The following ZNF746 variants were observed in gnomAD, a reference collection of about 807,000 sequenced individuals.
The protein encoded by ZNF746 is zinc finger protein 746, also known as parkin-interacting substrate.
Under a neutral mutation model 41.0 loss-of-function variants are expected in ZNF746, and 13 were observed. The observed-to-expected ratio is 0.32, with a 90% CI of 0.21 to 0.50. The LOEUF (loss-of-function observed/expected upper bound fraction) is 0.50. Ranked by LOEUF, ZNF746 falls within the 20% of genes least tolerant of loss-of-function variation. ZNF746 has a pLI of 0.98. For synonymous variants in ZNF746, 424 were observed against 396.2 expected, an observed-to-expected ratio of 1.07 and a Z score of -0.83; for missense variants, 811 against 922.9, an observed-to-expected ratio of 0.88 and a Z score of 1.57.
Position 149,494,659 on chromosome 7 carries a change from C to CT in ZNF746, c.25-157_25-156insA. Among the ~76,000 whole-genome samples, 1 of 151,680 alleles carries CT rather than the reference C, an allele frequency of 6.6e-6. No homozygotes were observed. On this transcript the variant is annotated intron_variant, in intron 1 of 6. Coordinates refer to ENST00000458143, the MANE Select transcript of ZNF746 (RefSeq NM_001394198.1). This position sits in a 1 kb window ranked among gnomAD's most constrained non-coding sequence, Gnocchi z 5.6. ...ACATGCCAGATCTCAGGTTGGCCATCACCTGCTTGGGTATGTTAGGTCTAT... is the reference window on the plus strand; with the variant it reads ...ACATGCCAGATCTCAGGTTGGCCATCTACCTGCTTGGGTATGTTAGGTCTAT...
At position 149,497,544 on chromosome 7, in the gene ZNF746, CG is replaced by C; in HGVS notation, c.-9del. The C allele has an allele frequency of 1.9e-6, 2 of 1,079,352 alleles. No individual in the cohort carries two copies. The highest frequency in any genetic ancestry group is 2.2e-6 in the Non-Finnish European group (2 of 893,724). 66.9% of individuals were successfully genotyped at this position (1,079,352 alleles called of 1,614,324 possible). A position where few individuals can be genotyped will look rare whatever the true frequency, so the allele number is the denominator to read the frequency against. On this transcript the variant is annotated 5_prime_UTR_variant, in exon 1 of 7. Coordinates refer to ENST00000458143, the MANE Select transcript of ZNF746 (RefSeq NM_001394198.1). The surrounding 1 kb of genome is among the most constrained non-coding windows in gnomAD (Gnocchi z 4.2). Reference sequence around the variant, plus strand: ...CGCGACCGCCTCGGCCATGGCCCTGCGCTGTCCCGCCCGGCCCGGAGGAAGT... The same window carrying C: ...CGCGACCGCCTCGGCCATGGCCCTGCCTGTCCCGCCCGGCCCGGAGGAAGT...
In ZNF746 at chr7:149,475,050, T is replaced by G. The variant is rs1301794662; in HGVS notation, c.1317A>C (p.Glu439Asp). Residue 439 changes from glutamate to aspartate, a missense_variant, in exon 7 of 7, where the codon GAA (glutamate) becomes GAC (aspartate). By Grantham distance (45) the Glu-to-Asp change is conservative (BLOSUM62 2). Transcript: ENST00000458143. Reference sequence around the variant, plus strand: ...TGGTCCGGCCAGGGTATTTACAGGGTTCGTTGAATGGCCTTGGGGCCTGGC... The same window carrying G: ...TGGTCCGGCCAGGGTATTTACAGGGGTCGTTGAATGGCCTTGGGGCCTGGC... ...DPSQAPRPFNEPCKYPGRTKG... is the reference protein window; with the variant it reads ...DPSQAPRPFNDPCKYPGRTKG... 3 of 1,576,070 alleles carry G rather than the reference T, an allele frequency of 1.9e-6. No individual in the cohort carries two copies. Among genetic ancestry groups the G allele is most frequent in the East Asian group, 2.3e-5 (1 of 43,706 alleles).
chr7:149,495,270 C>A (rs1200799276), intron 1 of ZNF746, among the ~76,000 whole-genome samples: 1 of 152,158 alleles, frequency 6.6e-6, no homozygotes, highest in Non-Finnish European at 1.5e-5. Context: ...CCAATTCCCA[C>A]CCCCTCAAGG....
At chr7:149,496,447 A>G (rs1480645550) in intron 1 of ZNF746, among the ~76,000 whole-genome samples, 1 of 152,036 alleles carries the variant, frequency 6.6e-6, no homozygotes, top group Non-Finnish European at 1.5e-5. Context: ...TCCCTCATCC[A>G]CTGCCCACCC....
At position 149,494,437 on chromosome 7, in the gene ZNF746, G is replaced by A; in HGVS notation, c.91C>T (p.Arg31Cys). The change falls in exon 2 of 7, where the codon CGC (arginine) becomes TGC (cysteine). Residue 31 changes from arginine (R) to cysteine (C), a missense_variant. This residue lies in a region of ZNF746 where 147 missense variants were observed against 233.4 expected (regional missense o/e 0.63). Coordinates refer to ENST00000458143, the MANE Select transcript of ZNF746 (RefSeq NM_001394198.1). This position sits in a 1 kb window ranked among gnomAD's most constrained non-coding sequence, Gnocchi z 5.6. ...MERKIESQAA[R>C]LLSLEGRTGM... Reference sequence around the variant, plus strand: ...GTTCGACCTTCTAGGGAAAGCAGGCGAGCAGCCTGCGATTCAATCTTCCTC... The same window carrying A: ...GTTCGACCTTCTAGGGAAAGCAGGCAAGCAGCCTGCGATTCAATCTTCCTC... The A allele has an allele frequency of 1.2e-6, 2 of 1,613,964 alleles. No homozygotes were observed. The highest frequency in any genetic ancestry group is 8.5e-7 in the Non-Finnish European group (1 of 1,179,874).
Position 149,494,159 on chromosome 7 carries a change from G to A in ZNF746, c.325-44C>T. ...CACTCGCTCACCCACACGCTCACGG[G>A]TTTGGCCGCTTGGGCTCCCACACCC... is the stretch of plus-strand genomic sequence containing the variant. On this transcript the variant is annotated intron_variant, in intron 2 of 6. Coordinates refer to ENST00000458143, the MANE Select transcript of ZNF746 (RefSeq NM_001394198.1). The surrounding 1 kb of genome is among the most constrained non-coding windows in gnomAD (Gnocchi z 5.6). The A allele has an allele frequency of 6.2e-7, 1 of 1,613,826 alleles. No homozygotes were observed. The highest frequency in any genetic ancestry group is 8.5e-7 in the Non-Finnish European group (1 of 1,179,728).
At chr7:149,482,297 G>A (rs1345556406) in intron 4 of ZNF746, among the ~76,000 whole-genome samples, 5 of 152,118 alleles carry the variant, frequency 3.3e-5, no homozygotes, top group Non-Finnish European at 5.9e-5. Context: ...ACAGAAGGAC[G>A]CAGAAAGCAA....
Position 149,474,498 on chromosome 7 carries a change from A to C in ZNF746, c.1869T>G (p.Pro623=). The change falls in exon 7 of 7, where the codon CCT becomes CCG. Residue 623 remains proline, a synonymous_variant. Coordinates refer to ENST00000458143, the MANE Select transcript of ZNF746 (RefSeq NM_001394198.1). This position sits in a 1 kb window ranked among gnomAD's most constrained non-coding sequence, Gnocchi z 6.3. ...RGQPLPTPPA[P]PDPFKSPASK... ...AGGCGGGGCTCTTGAAGGGATCAGG[A>C]GGTGCGGGCGGCGTCGGGAGTGGCT... The C allele has an allele frequency of 6.2e-7, 1 of 1,610,410 alleles. No individual in the cohort carries two copies. The highest frequency in any genetic ancestry group is 8.5e-7 in the Non-Finnish European group (1 of 1,178,396).
At chr7:149,475,533 G>T in intron 6 of ZNF746, 50 bp from the exon 7 acceptor site, 2 of 1,551,548 alleles carry the variant, frequency 1.3e-6, no homozygotes. Flanking sequence ...ACTGCTGAGC[G>T]AGCCACGATC....
At position 149,472,846 on chromosome 7, in the gene ZNF746, A is replaced by AT. The variant is rs1201628717; in HGVS notation, c.*1537dup. Reference sequence around the variant, plus strand: ...AGGATGTTTTCTCTTATTTTTCAAAATATCAGTTATATCAATATTAGAAGT... The same window carrying AT: ...AGGATGTTTTCTCTTATTTTTCAAAATTATCAGTTATATCAATATTAGAAGT... On this transcript the variant is annotated 3_prime_UTR_variant, in exon 7 of 7. Coordinates refer to ENST00000458143, the MANE Select transcript of ZNF746 (RefSeq NM_001394198.1). 1.3e-5 allele frequency: 2 copies of AT among 152,638 alleles called. No individual in the cohort carries two copies. Among genetic ancestry groups the AT allele is most frequent in the African/African-American group, 4.8e-5 (2 of 41,456 alleles). 9.5% of individuals were successfully genotyped at this position (152,638 alleles called of 1,614,324 possible). A position where few individuals can be genotyped will look rare whatever the true frequency, so the allele number is the denominator to read the frequency against.
intron 4 of ZNF746, among the ~76,000 whole-genome samples, chr7:149,478,866 C>T (rs1800401625): frequency 6.6e-6 from 1 of 152,154 alleles, no homozygotes; most frequent in Non-Finnish European, 1.5e-5. Flanking sequence ...ACAGAGGCAG[C>T]TGTGGAAATG....
chr7:149,474,296 G>A lies in ZNF746; in HGVS notation c.*88C>T, dbSNP rs1585715959. 1 of 1,467,012 alleles carries A rather than the reference G, an allele frequency of 6.8e-7. No homozygotes were observed. Among genetic ancestry groups the A allele is most frequent in the African/African-American group, 1.4e-5 (1 of 71,230 alleles). 90.9% of individuals were successfully genotyped at this position (1,467,012 alleles called of 1,614,324 possible). A position where few individuals can be genotyped will look rare whatever the true frequency, so the allele number is the denominator to read the frequency against. On this transcript the variant is annotated 3_prime_UTR_variant, in exon 7 of 7. Coordinates refer to ENST00000458143, the MANE Select transcript of ZNF746 (RefSeq NM_001394198.1). The surrounding 1 kb of genome is among the most constrained non-coding windows in gnomAD (Gnocchi z 6.3). ...GGACATTTGGTTCTCCCCGTCCCGC[G>A]TCTGCCTGAAGCTTCCACGCCGCCC...
chr7:149,490,630 G>C (rs1800768321), intron 4 of ZNF746: 1 of 152,700 alleles, frequency 6.5e-6, no homozygotes, highest in Non-Finnish European at 1.5e-5. Flanking sequence ...TTGAAGGGAC[G>C]GCAGGAGGCG....
intron 4 of ZNF746, among the ~76,000 whole-genome samples, chr7:149,481,169 C>A (rs1050957231): frequency 1.3e-5 from 2 of 152,168 alleles, no homozygotes; most frequent in Admixed American, 6.5e-5. Flanking sequence ...AAAAAAGGGG[C>A]AAATTATCTT....
intron 1 of ZNF746, among the ~76,000 whole-genome samples, chr7:149,496,371 C>T (rs1182512822): frequency 1.3e-5 from 2 of 152,150 alleles, no homozygotes; most frequent in African/African-American, 4.8e-5. Flanking sequence ...TGGGGCTGTC[C>T]TTGGACTCCT....
At chr7:149,493,953 A>G in intron 3 of ZNF746, 36 bp downstream of exon 3, 1 of 1,614,170 alleles carries the variant, frequency 6.2e-7, no homozygotes, top group Non-Finnish European at 8.5e-7. Flanking sequence ...GACTTGCAAA[A>G]TCCCATTTAA....
rs1249951338 is a variant in ZNF746 at position 149,496,935 on chromosome 7, G to A, written c.24+578C>T. The A allele has an allele frequency of 4.1e-5, 40 of 985,132 alleles. No individual in the cohort carries two copies. The Admixed American group carries it at 4.3e-4, about 11-fold the overall frequency. 61.0% of individuals were successfully genotyped at this position (985,132 alleles called of 1,614,324 possible). A position where few individuals can be genotyped will look rare whatever the true frequency, so the allele number is the denominator to read the frequency against. ...GCAAGTTAAGTTCTCTAGGCCCCGG[G>A]TTTTTCTTTTGTATGACAGAGATTA... On this transcript the variant is annotated intron_variant, in intron 1 of 6. Coordinates refer to ENST00000458143, the MANE Select transcript of ZNF746 (RefSeq NM_001394198.1).
At chr7:149,476,313 CAAAAA>C (rs55888950) in intron 6 of ZNF746, among the ~76,000 whole-genome samples, 3 of 63,312 alleles carry the variant, frequency 4.7e-5, no homozygotes, top group East Asian at 4.4e-4. Flanking sequence ...GACTCCGCCT[CAAAAA>C]AAAAAAAAAA....
At chr7:149,486,828 G>C (rs1215070441) in intron 4 of ZNF746, among the ~76,000 whole-genome samples, 1 of 152,212 alleles carries the variant, frequency 6.6e-6, no homozygotes, top group African/African-American at 2.4e-5. Flanking sequence ...CTCATGCTGG[G>C]TGTTGGGAAT....
Sources: allele counts gnomAD v4.1 joint callset (sites outside exome capture counted in the v4.1 genomes callset), GRCh38; gene constraint gnomAD v4.1.1; regional missense constraint gnomAD v4.1.1; non-coding constraint Gnocchi (gnomAD v3.1); transcripts MANE v1.5; gene names NCBI Gene and HGNC (gene_info 2026-07-23, HGNC 2026-07-21).